The following PCDHGA1 variants were observed in gnomAD, a reference collection of about 807,000 sequenced individuals.
PCDHGA1 encodes the protein protocadherin gamma subfamily A, 1.
A neutral mutation model predicts 58.0 loss-of-function variants in PCDHGA1; 32 were observed. That is an observed-to-expected ratio of 0.55 (90% CI 0.42 to 0.74). The LOEUF is 0.74. Among genes scored for constraint, PCDHGA1 ranks in the 30% least tolerant of loss-of-function variants. The pLI is 0.00. For missense variants in PCDHGA1, 1,205 were observed against 1,182.3 expected, an observed-to-expected ratio of 1.02 and a Z score of -0.28; for synonymous variants, 498 against 501.1, an observed-to-expected ratio of 0.99 and a Z score of 0.08.
intron 1 of PCDHGA1, among the ~76,000 whole-genome samples, chr5:141,453,623 T>C (rs1264665094): frequency 1.3e-5 from 2 of 152,238 alleles, no homozygotes; most frequent in Admixed American, 1.3e-4. Flanking sequence ...AAACAAAACC[T>C]ATACATATTT....
intron 1 of PCDHGA1, among the ~76,000 whole-genome samples, chr5:141,381,832 T>TTTG (rs1185630457): frequency 7.4e-6 from 1 of 135,134 alleles, no homozygotes; most frequent in Non-Finnish European, 1.6e-5. Flanking sequence ...TCTTCTTTTT[T>TTTG]TTTTTTTTTT....
intron 1 of PCDHGA1, among the ~76,000 whole-genome samples, chr5:141,406,157 C>A: frequency 6.6e-6 from 1 of 151,124 alleles, no homozygotes. Flanking sequence ...ACTGCAGTCT[C>A]AATCTCCTGG....
At chr5:141,374,519 G>A (rs769907625) in intron 1 of PCDHGA1, 5 of 1,612,332 alleles carry the variant, frequency 3.1e-6, no homozygotes, top group Admixed American at 1.7e-5. Context: ...TCTCGAAAAC[G>A]CAGCTCCATC....
Position 141,506,445 on chromosome 5 carries a change from A to T in PCDHGA1, c.2569+964A>T, listed in dbSNP as rs1018306383. 3.8e-3 allele frequency among the ~76,000 whole-genome samples: 112 copies of T among 29,226 alleles called. No individual in the cohort carries two copies. The Middle Eastern group carries it at 0.08, about 21-fold the overall frequency. The allele number at this position is 29,226 out of a possible 152,430, so 19.2% of individuals were successfully genotyped here. ...CTGGGCAACAGTCTCGCTCTGTCTC[A>T]AAAAAAAAAAAAAAAAAAAAGAGCA... On this transcript the variant is annotated intron_variant, in intron 3 of 3. Transcript: ENST00000517417.
At position 141,489,185 on chromosome 5, in the gene PCDHGA1, T is replaced by TCTA; in HGVS notation, c.2422-5620_2422-5618dup. Reference sequence around the variant, plus strand: ...CAGCTGCTGCATTCCAAGCCCTGGGTCTACCTTGGAGACAGGACAGCACAG... The same window carrying TCTA: ...CAGCTGCTGCATTCCAAGCCCTGGGTCTACTACCTTGGAGACAGGACAGCACAG... On this transcript the variant is annotated intron_variant, in intron 1 of 3. Coordinates refer to ENST00000517417, the MANE Select transcript of PCDHGA1 (RefSeq NM_018912.3). This position sits in a 1 kb window ranked among gnomAD's most constrained non-coding sequence, Gnocchi z 4.5. 7.8e-7 allele frequency: 1 copy of TCTA among 1,286,838 alleles called. No homozygotes were observed. The highest frequency in any genetic ancestry group is 1.5e-5 in the South Asian group (1 of 65,798). The allele number at this position is 1,286,838 out of a possible 1,614,324, so 79.7% of individuals were successfully genotyped here.
At chr5:141,488,062 T>C (rs1488970442) in intron 1 of PCDHGA1, among the ~76,000 whole-genome samples, 1 of 152,152 alleles carries the variant, frequency 6.6e-6, no homozygotes, top group Non-Finnish European at 1.5e-5. Flanking sequence ...AAATAAAATC[T>C]TTGTCTCCCA....
intron 1 of PCDHGA1, chr5:141,340,037 G>A: frequency 1.2e-6 from 2 of 1,614,198 alleles, no homozygotes; most frequent in African/African-American, 1.3e-5. Context: ...TACTAGCTCA[G>A]TTTCTGAAGA....
chr5:141,389,496 CCAGCGCT>C, intron 1 of PCDHGA1: 1 of 1,613,068 alleles, frequency 6.2e-7, no homozygotes, highest in Non-Finnish European at 8.5e-7. Context: ...CCAGGGCTCG[CCAGCGCT>C]CAGCGCGAAC....
chr5:141,393,206 A>G (rs774279389), intron 1 of PCDHGA1: 2 of 1,613,588 alleles, frequency 1.2e-6, no homozygotes, highest in Non-Finnish European at 1.7e-6. Flanking sequence ...ATAATAACCC[A>G]AAATTCCAGG....
intron 1 of PCDHGA1, chr5:141,394,304 G>T (rs1317596371): frequency 1.2e-6 from 2 of 1,613,932 alleles, no homozygotes; most frequent in Admixed American, 1.7e-5. Flanking sequence ...ACACGCTGCA[G>T]GGGGCGCCCC....
chr5:141,397,223 TATG>T lies in PCDHGA1; in HGVS notation c.2421+64120_2421+64122del, dbSNP rs543267212. ...ATGACATAAGAGAAGTATTTTGAGA[TATG>T]AAGAAGAGCAACGTAGTAGGGTATA... is the stretch of plus-strand genomic sequence containing the variant. On this transcript the variant is annotated intron_variant, in intron 1 of 3. Coordinates refer to ENST00000517417, the MANE Select transcript of PCDHGA1 (RefSeq NM_018912.3). Among the ~76,000 whole-genome samples, 432 of 152,304 alleles carry T rather than the reference TATG, an allele frequency of 2.8e-3. 2 individuals carry two copies. Among genetic ancestry groups the T allele is most frequent in the Admixed American group, 9.4e-3 (144 of 15,310 alleles).
At chr5:141,403,138 C>G in intron 1 of PCDHGA1, 1 of 1,614,036 alleles carries the variant, frequency 6.2e-7, no homozygotes, top group Non-Finnish European at 8.5e-7. Context: ...TGGCGGAGCG[C>G]CGAGTCCGCA....
intron 1 of PCDHGA1, chr5:141,340,471 C>G: frequency 4.3e-6 from 7 of 1,614,234 alleles, no homozygotes; most frequent in Non-Finnish European, 5.9e-6. Flanking sequence ...AGGGGGCACC[C>G]TTATCCTCTT....
chr5:141,366,831 A>G, intron 1 of PCDHGA1: 1 of 1,522,238 alleles, frequency 6.6e-7, no homozygotes, highest in Non-Finnish European at 8.8e-7. Flanking sequence ...ATTCAGAATC[A>G]GCTAGTTATG....
chr5:141,370,507 C>T, intron 1 of PCDHGA1: 3 of 1,613,920 alleles, frequency 1.9e-6, no homozygotes, highest in Non-Finnish European at 2.5e-6. Context: ...TACGCTATTC[C>T]CGAGGAGCTG....
At chr5:141,467,134 C>T (rs905270517) in intron 1 of PCDHGA1, among the ~76,000 whole-genome samples, 19 of 151,750 alleles carry the variant, frequency 1.3e-4, no homozygotes, top group African/African-American at 4.6e-4. Flanking sequence ...CTCACTGCAA[C>T]CTCTGCCTCC....
At chr5:141,344,011 G>C in intron 1 of PCDHGA1, 1 of 1,513,220 alleles carries the variant, frequency 6.6e-7, no homozygotes, top group Non-Finnish European at 8.8e-7. Context: ...CGAATTCAGA[G>C]AAAGCGATTC....
At chr5:141,356,162 C>T (rs779976582) in intron 1 of PCDHGA1, 20 of 1,613,176 alleles carry the variant, frequency 1.2e-5, no homozygotes, top group Non-Finnish European at 1.7e-5. Flanking sequence ...GATGTAGAAG[C>T]CCATGATGGG....
At chr5:141,390,649 G>A in intron 1 of PCDHGA1, 1 of 210,770 alleles carries the variant, frequency 4.7e-6, no homozygotes, top group Non-Finnish European at 9.4e-6. Flanking sequence ...TTTTCAGCTT[G>A]GATATACCAT....
Sources: allele counts gnomAD v4.1 joint callset (sites outside exome capture counted in the v4.1 genomes callset), GRCh38; gene constraint gnomAD v4.1.1; non-coding constraint Gnocchi (gnomAD v3.1); transcripts MANE v1.5; gene names NCBI Gene and HGNC (gene_info 2026-07-23, HGNC 2026-07-21).